The following HEBP1 variants were observed in gnomAD, a reference collection of about 807,000 sequenced individuals.
The protein encoded by HEBP1 is heme binding protein 1, also known as heme-binding protein 1.
A neutral mutation model predicts 20.4 loss-of-function variants in HEBP1; 13 were observed. That is an observed-to-expected ratio of 0.64 (90% CI 0.42 to 1.01). The LOEUF is 1.01. Among genes scored for constraint, HEBP1 ranks in the 50% least tolerant of loss-of-function variants. HEBP1 has a pLI of 0.00. For synonymous variants in HEBP1, 92 were observed against 90.7 expected, an observed-to-expected ratio of 1.01 and a Z score of -0.08; for missense variants, 241 against 247.3, an observed-to-expected ratio of 0.97 and a Z score of 0.17.
intron 1 of HEBP1, among the ~76,000 whole-genome samples, chr12:12,993,707 C>G (rs1163705061): frequency 6.6e-6 from 1 of 152,200 alleles, no homozygotes; most frequent in African/African-American, 2.4e-5. Context: ...AAAGAGCTAA[C>G]TGGCTCTTTC....
Position 12,987,236 on chromosome 12 carries a change from G to C in HEBP1, c.314C>G (p.Pro105Arg). 1 of 1,614,016 alleles carries C rather than the reference G, an allele frequency of 6.2e-7. No individual in the cohort carries two copies. Among genetic ancestry groups the C allele is most frequent in the Non-Finnish European group, 8.5e-7 (1 of 1,179,968 alleles). The change falls in exon 3 of 4, where the codon CCA becomes CGA. Residue 105 changes from proline to arginine, a missense_variant. Physicochemically the swap from Pro to Arg is moderately radical, Grantham distance 103. Coordinates refer to ENST00000014930, the MANE Select transcript of HEBP1 (RefSeq NM_015987.5). ...TGGTGGGTCGCTTTGAAATTGGTTT[G>C]GAATCCGGAACCAGACTTTTAATTT... ...QKKLKVWFRI[P>R]NQFQSDPPAP...
At position 12,996,134 on chromosome 12, in the gene HEBP1, GATTC is replaced by G. The variant is rs1299415919; in HGVS notation, c.78+3899_78+3902del. 6.6e-6 allele frequency among the ~76,000 whole-genome samples: 1 copy of G among 152,190 alleles called. No homozygotes were observed. Among genetic ancestry groups the G allele is most frequent in the Non-Finnish European group, 1.5e-5 (1 of 68,030 alleles). Reference sequence around the variant, plus strand: ...GGTGTTATTTTAAATGCTTTACGTGGATTCATTCATTCAATTTCTCCAATAACCC... The same window carrying G: ...GGTGTTATTTTAAATGCTTTACGTGGATTCATTCAATTTCTCCAATAACCC... On this transcript the variant is annotated intron_variant, in intron 1 of 3. Coordinates refer to ENST00000014930, the MANE Select transcript of HEBP1 (RefSeq NM_015987.5). This position sits in a 1 kb window ranked among gnomAD's most constrained non-coding sequence, Gnocchi z 4.1.
intron 3 of HEBP1, among the ~76,000 whole-genome samples, chr12:12,978,225 T>G (rs1864024170): frequency 6.9e-6 from 1 of 145,952 alleles, no homozygotes; most frequent in South Asian, 2.3e-4. Flanking sequence ...TTTTTTTTTT[T>G]TTTGAGACAG....
intron 3 of HEBP1, chr12:12,983,438 A>G: frequency 3.4e-6 from 1 of 298,112 alleles, no homozygotes; most frequent in Non-Finnish European, 6.7e-6. Context: ...AAGAAGGAAG[A>G]CTGAATGAAG....
chr12:12,975,481 T>TC lies in HEBP1; in HGVS notation c.399-3_399-2insG. ...TCCTTGGCATAACCACCAAACTGCCTGGGGGTTCAAGAGCAAGGGCTGGTT... is the reference window on the plus strand; with the variant it reads ...TCCTTGGCATAACCACCAAACTGCCTCGGGGGTTCAAGAGCAAGGGCTGGTT... On this transcript the variant is annotated splice_polypyrimidine_tract_variant and splice_region_variant and intron_variant, in intron 3 of 3. Transcript: ENST00000014930. 6.2e-7 allele frequency: 1 copy of TC among 1,603,048 alleles called. No homozygotes were observed. The highest frequency in any genetic ancestry group is 8.5e-7 in the Non-Finnish European group (1 of 1,176,196).
At chr12:12,976,606 G>T (rs565902009) in intron 3 of HEBP1, among the ~76,000 whole-genome samples, 1 of 152,332 alleles carries the variant, frequency 6.6e-6, no homozygotes, top group Non-Finnish European at 1.5e-5. Context: ...AGTCATGCTG[G>T]ACAAGCATTC....
Position 12,975,445 on chromosome 12 carries a change from C to A in HEBP1, c.433G>T (p.Val145Leu). ...GCACGCAGACGGGTGGCTTGTGCTA[C>A]GTAGTCTGCTTCCTTGGCATAACCA... ...FGGYAKEADY[V>L]AQATRLRAAL... Residue 145 changes from valine to leucine, a missense_variant, in exon 4 of 4, where the codon GTA becomes TTA. Val to Leu is a conservative substitution (Grantham distance 32). Transcript: ENST00000014930. 6.2e-7 allele frequency: 1 copy of A among 1,610,404 alleles called. No individual in the cohort carries two copies. Among genetic ancestry groups the A allele is most frequent in the Non-Finnish European group, 8.5e-7 (1 of 1,178,620 alleles).
At chr12:12,992,495 T>C (rs1175972600) in intron 1 of HEBP1, among the ~76,000 whole-genome samples, 1 of 152,062 alleles carries the variant, frequency 6.6e-6, no homozygotes, top group African/African-American at 2.4e-5. Context: ...TGAGCCACTG[T>C]GCCCGGCCTT....
intron 3 of HEBP1, among the ~76,000 whole-genome samples, chr12:12,981,333 T>C (rs1864079452): frequency 6.6e-6 from 1 of 152,166 alleles, no homozygotes; most frequent in African/African-American, 2.4e-5. Context: ...GCTGGAAATA[T>C]AAGGCTGGTG....
At chr12:12,987,510 C>T (rs769396727) in intron 2 of HEBP1, among the ~76,000 whole-genome samples, 178 bp from the exon 3 acceptor site, 10 of 152,036 alleles carry the variant, frequency 6.6e-5, no homozygotes, top group African/African-American at 1.9e-4. Context: ...TATTTGTATA[C>T]GCTGTTGGTA....
intron 3 of HEBP1, chr12:12,983,377 G>A (rs1319147845): frequency 9.6e-6 from 2 of 208,860 alleles, no homozygotes; most frequent in East Asian, 1.3e-4. Context: ...GGTAATTAAC[G>A]ATGCTAATAA....
chr12:12,988,090 G>A (rs1864175825), intron 2 of HEBP1, among the ~76,000 whole-genome samples: 1 of 152,130 alleles, frequency 6.6e-6, no homozygotes, highest in Non-Finnish European at 1.5e-5. Flanking sequence ...ATGTAGCTAG[G>A]AATTATGCTT....
intron 3 of HEBP1, among the ~76,000 whole-genome samples, 181 bp from the exon 4 acceptor site, chr12:12,975,660 A>C (rs1391473879): frequency 6.6e-6 from 1 of 152,194 alleles, no homozygotes; most frequent in Admixed American, 6.5e-5. Flanking sequence ...CAGTTTCCTC[A>C]TCTGAAAAAG....
chr12:12,978,099 A>G (rs1296529994), intron 3 of HEBP1, among the ~76,000 whole-genome samples: 2 of 152,104 alleles, frequency 1.3e-5, no homozygotes, highest in African/African-American at 4.8e-5. Flanking sequence ...GGGAACTGAA[A>G]CAGGAGAAGT....
chr12:12,993,467 CT>C (rs1309126354), intron 1 of HEBP1, among the ~76,000 whole-genome samples: 119 of 139,522 alleles, frequency 8.5e-4, no homozygotes, highest in Admixed American at 7.9e-4. Context: ...AGTGTCTTTG[CT>C]TTTTTTTTTT....
In HEBP1 at chr12:12,987,193, G is replaced by A. The variant is rs774202513; in HGVS notation, c.357C>T (p.Ser119=). 63 of 1,613,958 alleles carry A rather than the reference G, an allele frequency of 3.9e-5. No individual in the cohort carries two copies. The highest frequency in any genetic ancestry group is 8.0e-5 in the African/African-American group (6 of 74,908). The stretch of plus-strand genomic sequence containing the variant: ...TGCCTTCCCGTTCCTCAATCTTAAC[G>A]CTTTTGTCACTGGGAGCTGGTGGGT... ...QSDPPAPSDK[S]VKIEEREGIT... Residue 119 remains serine (S), a synonymous_variant, in exon 3 of 4, where the codon AGC becomes AGT. Coordinates refer to ENST00000014930, the MANE Select transcript of HEBP1 (RefSeq NM_015987.5).
At chr12:12,976,589 A>G (rs1314293449) in intron 3 of HEBP1, among the ~76,000 whole-genome samples, 1 of 152,188 alleles carries the variant, frequency 6.6e-6, no homozygotes, top group Non-Finnish European at 1.5e-5. Context: ...CTCTTTTACA[A>G]GTGGTTAGTC....
chr12:12,992,778 G>C (rs1459423052), intron 1 of HEBP1, among the ~76,000 whole-genome samples: 1 of 152,166 alleles, frequency 6.6e-6, no homozygotes, highest in Non-Finnish European at 1.5e-5. Context: ...TTTCATTTGA[G>C]AGCGCACCTA....
intron 3 of HEBP1, chr12:12,983,543 C>A: frequency 2.7e-6 from 1 of 364,796 alleles, no homozygotes; most frequent in Non-Finnish European, 5.6e-6. Context: ...AGTACATTTG[C>A]CTTCTACCAT....
Sources: allele counts gnomAD v4.1 joint callset (sites outside exome capture counted in the v4.1 genomes callset), GRCh38; gene constraint gnomAD v4.1.1; non-coding constraint Gnocchi (gnomAD v3.1); transcripts MANE v1.5; gene names NCBI Gene and HGNC (gene_info 2026-07-23, HGNC 2026-07-21).